WDR64: variants seen among roughly 807,000 people sequenced by gnomAD.
WDR64 encodes WD repeat domain 64, also known as WD repeat-containing protein 64.
WDR64 carries 112 observed loss-of-function variants against 139.3 expected under a neutral mutation model. The ratio of observed to expected loss-of-function variants is 0.80; its 90% CI spans 0.69 to 0.94. The LOEUF (loss-of-function observed/expected upper bound fraction) is 0.94, where lower values mean the gene tolerates loss of function less well. Among genes scored for constraint, WDR64 ranks in the 40% least tolerant of loss-of-function variants. The probability of loss-of-function intolerance (pLI) is 0.00; values close to 1 mark genes in which losing one functional copy is unlikely to be tolerated. For missense variants in WDR64, 1,206 were observed against 1,293.1 expected (o/e 0.93, Z 1.03); for synonymous variants, 444 against 437.7 (o/e 1.01, Z -0.18).
At chr1:241,800,478 C>G (rs922462522) in intron 27 of WDR64, among the ~76,000 whole-genome samples, 2 of 152,060 alleles carry the variant, frequency 1.3e-5, no homozygotes, top group Admixed American at 6.6e-5. Flanking sequence ...CAAAAATAAT[C>G]AATGCAAAAC....
chr1:241,739,647 T>C (rs970213212), intron 11 of WDR64, among the ~76,000 whole-genome samples: 4 of 152,284 alleles, frequency 2.6e-5, no homozygotes, highest in African/African-American at 9.6e-5. Flanking sequence ...TTCCATCCCA[T>C]TTATCATCAT....
At chr1:241,693,041 T>A (rs922423223) in intron 8 of WDR64, among the ~76,000 whole-genome samples, 6 of 152,134 alleles carry the variant, frequency 3.9e-5, no homozygotes, top group Non-Finnish European at 1.5e-5. Flanking sequence ...TACTACATGA[T>A]CCAGCAGTCA....
At chr1:241,789,121 A>C (rs1324916869) in intron 24 of WDR64, among the ~76,000 whole-genome samples, 1 of 152,084 alleles carries the variant, frequency 6.6e-6, no homozygotes, top group Non-Finnish European at 1.5e-5. Context: ...ATAAAGAATG[A>C]CTAATGGAGA....
chr1:241,714,199 A>G (rs976670038), intron 9 of WDR64, among the ~76,000 whole-genome samples: 2 of 152,224 alleles, frequency 1.3e-5, no homozygotes, highest in Non-Finnish European at 2.9e-5. Flanking sequence ...GGCTTGCAAG[A>G]CTTAAATGAG....
chr1:241,784,976 A>AAAAAAAG lies in WDR64; in HGVS notation c.2705+1595_2705+1596insAAAAAAG, dbSNP rs138513526. On this transcript the variant is annotated intron_variant, in intron 23 of 27. Transcript: ENST00000437684. ...CTGAAAAAAAAAAAAAAAAAAAAAA[A>AAAAAAAG]GAAAGGACATCTGCTGTTTTATTTG... Among the ~76,000 whole-genome samples, 23 of 98,462 alleles carry AAAAAAAG rather than the reference A, an allele frequency of 2.3e-4. 1 individual carries two copies. Among genetic ancestry groups the AAAAAAAG allele is most frequent in the South Asian group, 3.6e-4 (1 of 2,742 alleles). The allele number at this position is 98,462 out of a possible 152,430, so 64.6% of individuals were successfully genotyped here.
intron 23 of WDR64, among the ~76,000 whole-genome samples, chr1:241,784,506 G>A (rs1455403951): frequency 6.6e-6 from 1 of 152,176 alleles, no homozygotes; most frequent in Non-Finnish European, 1.5e-5. Flanking sequence ...GCAACTAGGT[G>A]AATGTTAGAA....
chr1:241,726,477 G>A (rs6686774), intron 10 of WDR64, among the ~76,000 whole-genome samples: 123,042 of 151,820 alleles, frequency 0.81, 50,062 homozygotes, highest in Non-Finnish European at 0.84. Context: ...TACACTAAAA[G>A]CGGGTGAGTT....
intron 8 of WDR64, among the ~76,000 whole-genome samples, chr1:241,692,056 A>G (rs571206117): frequency 1.6e-4 from 24 of 152,196 alleles, no homozygotes; most frequent in East Asian, 3.9e-4. Context: ...ACACAATGCC[A>G]TCTACATTCG....
chr1:241,769,213 T>C lies in WDR64; in HGVS notation c.2082-191T>C, dbSNP rs149535278. Among the ~76,000 whole-genome samples, 27 of 152,344 alleles carry C rather than the reference T, an allele frequency of 1.8e-4. No homozygotes were observed. The East Asian group carries it at 5.0e-3, about 28-fold the overall frequency. ...TTGAATTAAAAGACTTTTAAACCGTTGAGGATCATGATTTAACAGAACCTT... is the reference window on the plus strand; with the variant it reads ...TTGAATTAAAAGACTTTTAAACCGTCGAGGATCATGATTTAACAGAACCTT... On this transcript the variant is annotated intron_variant, in intron 16 of 27. Coordinates refer to ENST00000437684, the MANE Select transcript of WDR64 (RefSeq NM_001367482.1).
chr1:241,713,141 T>TAAAAA (rs1201021837), intron 9 of WDR64, among the ~76,000 whole-genome samples: 1 of 138,654 alleles, frequency 7.2e-6, no homozygotes, highest in African/African-American at 3.3e-5. Flanking sequence ...ACCTTGTCTC[T>TAAAAA]ACAAAAAAAA....
chr1:241,755,692 GGTCTTACATTTAA>G (rs1459748514), intron 14 of WDR64, among the ~76,000 whole-genome samples: 2 of 152,104 alleles, frequency 1.3e-5, no homozygotes, highest in African/African-American at 4.8e-5. Flanking sequence ...TATGGTTTTA[GGTCTTACATTTAA>G]GTCTTTAATC....
At chr1:241,699,970 T>A (rs576700883) in intron 8 of WDR64, among the ~76,000 whole-genome samples, 1 of 151,560 alleles carries the variant, frequency 6.6e-6, no homozygotes, top group Non-Finnish European at 1.5e-5. Context: ...GAGCGGAGAA[T>A]GGATTGGGGA....
intron 24 of WDR64, among the ~76,000 whole-genome samples, chr1:241,789,966 T>C (rs771517837): frequency 1.3e-5 from 2 of 152,212 alleles, no homozygotes; most frequent in African/African-American, 2.4e-5. Context: ...TTGAATCATA[T>C]GGAAGTCAAG....
chr1:241,749,568 T>C lies in WDR64; in HGVS notation c.1616T>C (p.Phe539Ser). Residue 539 changes from phenylalanine to serine, a missense_variant, in exon 14 of 28, where the codon TTT (phenylalanine) becomes TCT (serine). By Grantham distance (155) the Phe-to-Ser change is radical (BLOSUM62 -2). Transcript: ENST00000437684. ...AYNGTVRIWD[F>S]GSGQEMKVLP... ...TCAGGAACAGTCAGAATCTGGGACTTTGGCAGTGGGCAGGAGATGAAGGTG... is the reference window on the plus strand; with the variant it reads ...TCAGGAACAGTCAGAATCTGGGACTCTGGCAGTGGGCAGGAGATGAAGGTG... The C allele has an allele frequency of 6.2e-7, 1 of 1,614,158 alleles. No individual in the cohort carries two copies. Among genetic ancestry groups the C allele is most frequent in the Non-Finnish European group, 8.5e-7 (1 of 1,180,020 alleles).
intron 9 of WDR64, among the ~76,000 whole-genome samples, chr1:241,714,106 G>A (rs1021495653): frequency 6.6e-6 from 1 of 152,166 alleles, no homozygotes; most frequent in Non-Finnish European, 1.5e-5. Context: ...GGCTCCCTAG[G>A]CTACCTGGAT....
intron 16 of WDR64, among the ~76,000 whole-genome samples, chr1:241,766,720 AC>A (rs1658195234): frequency 1.3e-5 from 2 of 149,058 alleles, no homozygotes; most frequent in Non-Finnish European, 3.0e-5. Context: ...AAAAAAAAAA[AC>A]CTCAGGGGAC....
intron 8 of WDR64, among the ~76,000 whole-genome samples, chr1:241,695,661 T>C (rs543026146): frequency 1.2e-3 from 180 of 152,292 alleles, no homozygotes; most frequent in Non-Finnish European, 2.0e-3. Context: ...AACTTGGCAG[T>C]GATTTCATCA....
intron 22 of WDR64, among the ~76,000 whole-genome samples, chr1:241,781,903 T>G (rs905751758): frequency 2.0e-5 from 3 of 152,226 alleles, no homozygotes; most frequent in African/African-American, 7.2e-5. Context: ...AATGTATATC[T>G]TACTATAAAT....
intron 10 of WDR64, among the ~76,000 whole-genome samples, chr1:241,735,531 C>CCCTTTTTTTTTTTTTTTTT (rs1296893731): frequency 9.3e-5 from 9 of 96,788 alleles, no homozygotes; most frequent in African/African-American, 3.7e-4. Context: ...CTCTCTCTCT[C>CCCTTTTTTTTTTTTTTTTT]TCTTTTTTTT....
Sources: gnomAD v4.1 joint callset for allele counts (sites outside exome capture counted in the v4.1 genomes callset) on GRCh38, gnomAD v4.1.1 for gene constraint, MANE v1.5 for transcripts, NCBI Gene and HGNC (gene_info 2026-07-23, HGNC 2026-07-21) for gene names.